TOPAZ1: variants seen among roughly 807,000 people sequenced by gnomAD.
TOPAZ1 encodes testis and ovary specific TOPAZ 1.
In TOPAZ1, 66 loss-of-function variants were observed where a neutral mutation model predicts 172.2. The ratio of observed to expected loss-of-function variants is 0.38; its 90% CI spans 0.31 to 0.47. TOPAZ1 has a LOEUF of 0.47. TOPAZ1 is among the 20% of genes least tolerant of loss of function. The pLI is 0.99. For synonymous variants in TOPAZ1, 681 were observed against 683.9 expected, an observed-to-expected ratio of 1.00 and a Z score of 0.07; for missense variants, 1,822 against 1,972.4, an observed-to-expected ratio of 0.92 and a Z score of 1.44.
At chr3:44,245,900 T>C (rs932677894) in intron 2 of TOPAZ1, among the ~76,000 whole-genome samples, 3 of 152,228 alleles carry the variant, frequency 2.0e-5, no homozygotes, top group Admixed American at 2.0e-4. Context: ...TATTTTCAAA[T>C]GTTCTTTAAT....
intron 9 of TOPAZ1, among the ~76,000 whole-genome samples, chr3:44,282,528 A>G (rs1388537447): frequency 6.6e-6 from 1 of 152,188 alleles, no homozygotes; most frequent in Non-Finnish European, 1.5e-5. Context: ...GGCAAAGGAA[A>G]GGCTATTCGG....
Position 44,243,550 on chromosome 3 carries a change from C to T in TOPAZ1, c.1044C>T (p.Asn348=). The change falls in exon 2 of 20, where the codon AAC becomes AAT. Residue 348 remains asparagine, a synonymous_variant. Transcript: ENST00000309765. ...CAGATGAAACAGTTACTGAGATGAA[C>T]TTCTCTAATGAGTATAACAAGTCTG... is the stretch of plus-strand genomic sequence containing the variant. ...EKADETVTEM[N]FSNEYNKSEL... 1 of 1,551,310 alleles carries T rather than the reference C, an allele frequency of 6.4e-7. No individual in the cohort carries two copies. Among genetic ancestry groups the T allele is most frequent in the Non-Finnish European group, 8.7e-7 (1 of 1,146,950 alleles).
At chr3:44,305,437 A>G (rs1302694340) in intron 14 of TOPAZ1, 116 bp downstream of exon 14, 2 of 837,576 alleles carry the variant, frequency 2.4e-6, no homozygotes, top group Non-Finnish European at 1.7e-6. Context: ...GGGTGCGGTC[A>G]TAGCTCACCG....
intron 12 of TOPAZ1, among the ~76,000 whole-genome samples, chr3:44,302,540 GTT>G (rs1237232198): frequency 6.6e-6 from 1 of 152,164 alleles, no homozygotes; most frequent in Non-Finnish European, 1.5e-5. Context: ...CCACTGGACT[GTT>G]TGCCTATTCC....
intron 12 of TOPAZ1, among the ~76,000 whole-genome samples, chr3:44,300,806 AC>A (rs1178074143): frequency 6.6e-6 from 1 of 152,054 alleles, no homozygotes; most frequent in East Asian, 1.9e-4. Context: ...ATAAAAACTT[AC>A]ACGTAAATGT....
chr3:44,284,088 CTT>C (rs1700053080), intron 9 of TOPAZ1, among the ~76,000 whole-genome samples: 1 of 150,796 alleles, frequency 6.6e-6, no homozygotes, highest in African/African-American at 2.4e-5. Flanking sequence ...CACCGTCTGT[CTT>C]GGACATTTTG....
At chr3:44,288,453 G>A (rs1575722229) in intron 11 of TOPAZ1, among the ~76,000 whole-genome samples, 1 of 152,308 alleles carries the variant, frequency 6.6e-6, no homozygotes, top group South Asian at 2.1e-4. Flanking sequence ...GGAGGCTGAA[G>A]CAGGCAGATC....
chr3:44,310,122 G>A (rs1700382161), intron 16 of TOPAZ1, 132 bp downstream of exon 16: 1 of 736,592 alleles, frequency 1.4e-6, no homozygotes, highest in Non-Finnish European at 2.1e-6. Context: ...CATGTGGGTA[G>A]GAAAGGTTGT....
At chr3:44,317,933 T>G (rs866344938) in intron 16 of TOPAZ1, among the ~76,000 whole-genome samples, 2 of 152,354 alleles carry the variant, frequency 1.3e-5, no homozygotes, top group Middle Eastern at 3.4e-3. Flanking sequence ...TTTATCAGTT[T>G]CAGTCGACTT....
At chr3:44,325,863 G>T (rs940219051) in intron 18 of TOPAZ1, among the ~76,000 whole-genome samples, 1 of 152,062 alleles carries the variant, frequency 6.6e-6, no homozygotes, top group African/African-American at 2.4e-5. Context: ...GGCTGGTCTT[G>T]AACTCCCAGC....
rs563203983 is a variant in TOPAZ1, at chr3:44,306,105, G to A, written c.4040-221G>A. Among the ~76,000 whole-genome samples, 5 of 152,264 alleles carry A rather than the reference G, an allele frequency of 3.3e-5. No homozygotes were observed. In the South Asian group the frequency reaches 6.2e-4, roughly 19 times the overall value. On this transcript the variant is annotated intron_variant, in intron 14 of 19. Coordinates refer to ENST00000309765, the MANE Select transcript of TOPAZ1 (RefSeq NM_001145030.2). The stretch of plus-strand genomic sequence containing the variant: ...CCGGATAGTAAATATTTTAGGCTTC[G>A]AACACACCACATGTGATCTCTATCA...
chr3:44,244,994 C>T lies in TOPAZ1; in HGVS notation c.2488C>T (p.Arg830Ter). Residue 830 changes from arginine to a stop codon, truncating the protein, a stop_gained, in exon 2 of 20, where the codon CGA becomes TGA. Coordinates refer to ENST00000309765, the MANE Select transcript of TOPAZ1 (RefSeq NM_001145030.2). LOFTEE classifies it high-confidence loss of function. ...CTGCTGTAATGAACAAGAAACATTC[C>T]GACCAGTGTCCAGTGAAGTTAGGGG... ...SFCCNEQETF[R>*]PVSSEVRGRK... 2 of 1,551,632 alleles carry T rather than the reference C, an allele frequency of 1.3e-6. No individual in the cohort carries two copies. Among genetic ancestry groups the T allele is most frequent in the Non-Finnish European group, 1.7e-6 (2 of 1,146,980 alleles).
chr3:44,312,633 C>G (rs2125702204), intron 16 of TOPAZ1, among the ~76,000 whole-genome samples: 1 of 152,278 alleles, frequency 6.6e-6, no homozygotes, highest in South Asian at 2.1e-4. Context: ...CTTTCTCATA[C>G]TAGTGCTTTT....
chr3:44,242,388 C>A lies in TOPAZ1; in HGVS notation c.335C>A (p.Thr112Lys). The part of the protein sequence containing the change: ...AAKEAELPLQ[T>K]ERHTKEKRKV... ...AAGGAGGCTGAACTCCCCTTGCAAA[C>A]GGAAAGACACAGTAAGAAAGCATCC... The change falls in exon 1 of 20, where the codon ACG becomes AAG. Residue 112 changes from threonine (T) to lysine (K), a missense_variant. Transcript: ENST00000309765. The A allele has an allele frequency of 6.4e-7, 1 of 1,552,278 alleles. No individual in the cohort carries two copies. The highest frequency in any genetic ancestry group is 8.7e-7 in the Non-Finnish European group (1 of 1,147,122).
chr3:44,244,482 T>C lies in TOPAZ1; in HGVS notation c.1976T>C (p.Ile659Thr). ...QEANNSAGKT[I>T]HRKACIAQQT... ...GCAAATAACTCTGCAGGCAAAACTA[T>C]TCATCGAAAAGCATGCATTGCTCAA... The change falls in exon 2 of 20, where the codon ATT becomes ACT. Residue 659 changes from isoleucine (I) to threonine (T), a missense_variant. Transcript: ENST00000309765. 1 of 1,551,698 alleles carries C rather than the reference T, an allele frequency of 6.4e-7. No individual in the cohort carries two copies. The highest frequency in any genetic ancestry group is 8.7e-7 in the Non-Finnish European group (1 of 1,146,976).
At chr3:44,289,004 T>A (rs1700107495) in intron 11 of TOPAZ1, among the ~76,000 whole-genome samples, 1 of 152,192 alleles carries the variant, frequency 6.6e-6, no homozygotes, top group South Asian at 2.1e-4. Context: ...TGTACCATAC[T>A]CCATGTATTT....
In TOPAZ1 at chr3:44,244,412, T is replaced by G. The variant is rs1283923770; in HGVS notation, c.1906T>G (p.Leu636Val). 6.4e-7 allele frequency: 1 copy of G among 1,550,586 alleles called. No individual in the cohort carries two copies. Among genetic ancestry groups the G allele is most frequent in the Admixed American group, 2.0e-5 (1 of 50,908 alleles). The change falls in exon 2 of 20, where the codon TTA (leucine) becomes GTA (valine). Residue 636 changes from leucine to valine, a missense_variant. This residue lies in a region of TOPAZ1 where 1,489 missense variants were observed against 1,490.8 expected (regional missense o/e 1.00). Transcript: ENST00000309765. Reference protein sequence around the residue: ...TGNKKKARGNLTKLNLTATSK... With the variant: ...TGNKKKARGNVTKLNLTATSK... ...AAATAAAAAAAAAGCTAGAGGAAAT[T>G]TAACGAAACTTAATTTGACAGCGAC...
intron 12 of TOPAZ1, 41 bp downstream of exon 12, chr3:44,290,927 C>T (rs1700130452): frequency 7.7e-7 from 1 of 1,297,442 alleles, no homozygotes; most frequent in Non-Finnish European, 1.1e-6. Context: ...ATATATGTGT[C>T]TTGGTGGGGA....
chr3:44,295,505 G>T (rs750855103), intron 12 of TOPAZ1, among the ~76,000 whole-genome samples: 16 of 152,086 alleles, frequency 1.1e-4, no homozygotes, highest in Non-Finnish European at 2.2e-4. Context: ...CCCCTGACAA[G>T]AAATTAACTT....
Sources: allele counts gnomAD v4.1 joint callset (sites outside exome capture counted in the v4.1 genomes callset), GRCh38; gene constraint gnomAD v4.1.1; regional missense constraint gnomAD v4.1.1; transcripts MANE v1.5; gene names NCBI Gene and HGNC (gene_info 2026-07-23, HGNC 2026-07-21).